Variants in GPHN observed in about 807,000 individuals in gnomAD.
The protein encoded by GPHN is gephyrin.
In GPHN, 17 loss-of-function variants were observed where a neutral mutation model predicts 95.5. That is an observed-to-expected ratio of 0.18 (90% CI 0.12 to 0.27). The LOEUF is 0.27. GPHN is among the 10% of genes least tolerant of loss of function. GPHN has a pLI of 1.00. For missense variants in GPHN, 660 were observed against 978.1 expected, an observed-to-expected ratio of 0.67 and a Z score of 4.34; for synonymous variants, 320 against 322.5, an observed-to-expected ratio of 0.99 and a Z score of 0.08.
chr14:67,583,610 G>GT, the GPHN span: 1 of 614,148 alleles, frequency 1.6e-6, no homozygotes, highest in East Asian at 2.9e-5. Context: ...TTTTTCTAAA[G>GT]TATTTTTCAC....
At chr14:66,818,307 G>C (rs1412650272) in intron 3 of GPHN, among the ~76,000 whole-genome samples, 1 of 151,972 alleles carries the variant, frequency 6.6e-6, no homozygotes, top group Admixed American at 6.6e-5. Context: ...GTTCCCCCAT[G>C]TGTTCTCATC....
At chr14:67,007,511 C>A (rs957286243) in intron 9 of GPHN, among the ~76,000 whole-genome samples, 2 of 152,182 alleles carry the variant, frequency 1.3e-5, no homozygotes, top group South Asian at 4.1e-4. Flanking sequence ...AGTTTTAGAG[C>A]CATGTAGCAC....
chr14:66,881,365 G>A (rs1308781871), intron 5 of GPHN, among the ~76,000 whole-genome samples: 1 of 151,726 alleles, frequency 6.6e-6, no homozygotes, highest in Non-Finnish European at 1.5e-5. Context: ...AGGGGATCCC[G>A]TTTTTCCTAT....
intron 3 of GPHN, among the ~76,000 whole-genome samples, chr14:66,813,256 A>G (rs142235700): frequency 0.012 from 1,832 of 152,344 alleles, 19 homozygotes; most frequent in Non-Finnish European, 0.018. Context: ...CACTAAAAGA[A>G]TGGTTTGCAG....
chr14:67,432,968 C>G, the GPHN span, among the ~76,000 whole-genome samples: 13 of 152,270 alleles, frequency 8.5e-5, no homozygotes, highest in Admixed American at 3.3e-4. Flanking sequence ...TGCAGAGACC[C>G]TGTTTCCACA....
chr14:67,214,851 G>A, the GPHN span, among the ~76,000 whole-genome samples: 116 of 152,148 alleles, frequency 7.6e-4, no homozygotes, highest in African/African-American at 2.7e-3. Flanking sequence ...TTGAGCAGTG[G>A]TTTGTAGTTC....
At chr14:67,443,456 G>C in the GPHN span, among the ~76,000 whole-genome samples, 2 of 152,042 alleles carry the variant, frequency 1.3e-5, no homozygotes, top group Non-Finnish European at 2.9e-5. Context: ...ATTTCAAGCC[G>C]ATGGCAAGGC....
intron 18 of GPHN, among the ~76,000 whole-genome samples, chr14:67,145,968 C>T (rs932345697): frequency 2.0e-5 from 3 of 152,206 alleles, no homozygotes; most frequent in African/African-American, 7.2e-5. Context: ...CCTGAAGGTA[C>T]TTAAGCAGCA....
intron 22 of GPHN, 69 bp from the exon 23 acceptor site, chr14:67,180,735 A>T: frequency 6.8e-7 from 1 of 1,461,150 alleles, no homozygotes; most frequent in Non-Finnish European, 9.5e-7. Flanking sequence ...CATTTTGAAA[A>T]GGTCTACAAG....
chr14:67,204,839 C>T, the GPHN span: 1 of 1,613,964 alleles, frequency 6.2e-7, no homozygotes, highest in East Asian at 2.2e-5. Flanking sequence ...TACATGTATG[C>T]AGGTACAGGC....
the GPHN span, among the ~76,000 whole-genome samples, chr14:67,664,264 C>A: frequency 6.6e-6 from 1 of 152,282 alleles, no homozygotes; most frequent in East Asian, 1.9e-4. Flanking sequence ...TCCTCTCAAA[C>A]TGAAATTCCG....
chr14:66,794,386 A>C (rs1313567460), intron 3 of GPHN, among the ~76,000 whole-genome samples: 1 of 152,218 alleles, frequency 6.6e-6, no homozygotes, highest in Non-Finnish European at 1.5e-5. Flanking sequence ...GATGCCCAGC[A>C]GATGCCATCA....
intron 5 of GPHN, among the ~76,000 whole-genome samples, chr14:66,884,335 G>A (rs2064080923): frequency 6.6e-6 from 1 of 151,988 alleles, no homozygotes; most frequent in Non-Finnish European, 1.5e-5. Flanking sequence ...GGTAATCACT[G>A]TGTACTCTAT....
At chr14:67,173,887 G>T (rs2082741009) in intron 21 of GPHN, among the ~76,000 whole-genome samples, 1 of 151,786 alleles carries the variant, frequency 6.6e-6, no homozygotes, top group Admixed American at 6.6e-5. Context: ...AAATCCTACA[G>T]TTGAAGAATT....
chr14:67,359,744 G>A, the GPHN span: 1 of 1,610,252 alleles, frequency 6.2e-7, no homozygotes, highest in Admixed American at 1.7e-5. Context: ...GGCAACCGAG[G>A]CTGCAATAGC....
intron 3 of GPHN, among the ~76,000 whole-genome samples, chr14:66,815,969 A>G (rs912330213): frequency 1.3e-5 from 2 of 152,232 alleles, no homozygotes; most frequent in African/African-American, 2.4e-5. Context: ...AAACAAATCT[A>G]CCAAGCAAAT....
intron 12 of GPHN, among the ~76,000 whole-genome samples, chr14:67,099,264 C>T (rs1215501558): frequency 6.6e-6 from 1 of 152,006 alleles, no homozygotes; most frequent in Non-Finnish European, 1.5e-5. Context: ...CATGTGCCAC[C>T]ATGCCCGGCT....
At chr14:66,953,799 G>A (rs2068284528) in intron 8 of GPHN, among the ~76,000 whole-genome samples, 2 of 152,276 alleles carry the variant, frequency 1.3e-5, no homozygotes, top group South Asian at 2.1e-4. Flanking sequence ...TTGGGAGGCC[G>A]AGGTGGGCAG....
intron 1 of GPHN, among the ~76,000 whole-genome samples, chr14:66,556,346 G>T (rs1475928620): frequency 6.6e-6 from 1 of 152,082 alleles, no homozygotes; most frequent in Non-Finnish European, 1.5e-5. Flanking sequence ...TTTAAAAGGT[G>T]GTTGCAGAAC....
Sources: allele counts gnomAD v4.1 joint callset (sites outside exome capture counted in the v4.1 genomes callset), GRCh38; gene constraint gnomAD v4.1.1; transcripts MANE v1.5; gene names NCBI Gene and HGNC (gene_info 2026-07-23, HGNC 2026-07-21).